The following TET3 variants were observed in gnomAD, a reference collection of about 807,000 sequenced individuals.
TET3 encodes tet methylcytosine dioxygenase 3.
TET3 carries 19 observed loss-of-function variants against 141.4 expected under a neutral mutation model. The ratio of observed to expected loss-of-function variants is 0.13; its 90% CI spans 0.09 to 0.20. The LOEUF is 0.20. Ranked by LOEUF, TET3 falls within the 10% of genes least tolerant of loss-of-function variation. The pLI is 1.00. For missense variants in TET3, 1,874 were observed against 2,356.9 expected, an observed-to-expected ratio of 0.80 and a Z score of 4.24; for synonymous variants, 1,043 against 980.9, an observed-to-expected ratio of 1.06 and a Z score of -1.18.
intron 3 of TET3, among the ~76,000 whole-genome samples, chr2:74,009,864 A>G (rs551344922): frequency 5.3e-5 from 8 of 152,340 alleles, no homozygotes; most frequent in East Asian, 1.9e-4. Context: ...CCTGCTGCAC[A>G]GTTAGGTAGA....
intron 4 of TET3, among the ~76,000 whole-genome samples, chr2:74,073,306 A>G (rs1198920036): frequency 6.6e-6 from 1 of 152,116 alleles, no homozygotes; most frequent in Non-Finnish European, 1.5e-5. Context: ...CTTTGACAAC[A>G]CTTGGTTTTA....
intron 3 of TET3, among the ~76,000 whole-genome samples, chr2:74,021,860 T>C (rs1686063402): frequency 6.6e-6 from 1 of 152,212 alleles, no homozygotes; most frequent in Admixed American, 6.5e-5. Context: ...CATGATGGTT[T>C]GTGAAAAGGC....
intron 3 of TET3, among the ~76,000 whole-genome samples, chr2:74,031,366 C>T (rs1046233914): frequency 6.6e-6 from 1 of 152,108 alleles, no homozygotes; most frequent in South Asian, 2.1e-4. Flanking sequence ...CTCATCACCC[C>T]GACTCTCAGA....
intron 10 of TET3, among the ~76,000 whole-genome samples, chr2:74,097,112 GAA>G (rs750552013): frequency 2.1e-5 from 1 of 47,904 alleles, no homozygotes; most frequent in African/African-American, 5.7e-5. Context: ...AGAAGAAAAA[GAA>G]AAAAAAAAAA....
In TET3 at chr2:74,046,459, A is replaced by T. The variant is rs777631095; in HGVS notation, c.542A>T (p.Asp181Val). 7.5e-6 allele frequency: 12 copies of T among 1,610,728 alleles called. No individual in the cohort carries two copies. In the South Asian group the frequency reaches 1.3e-4, roughly 18 times the overall value. Reference protein sequence around the residue: ...GGPWRVDQKPDWEAAPGPAHT... With the variant: ...GGPWRVDQKPVWEAAPGPAHT... ...CCTTGGCGGGTAGACCAAAAGCCCGACTGGGAGGCTGCCCCAGGCCCAGCT... is the reference window on the plus strand; with the variant it reads ...CCTTGGCGGGTAGACCAAAAGCCCGTCTGGGAGGCTGCCCCAGGCCCAGCT... The change falls in exon 4 of 12, where the codon GAC (aspartate) becomes GTC (valine). Residue 181 changes from aspartate to valine, a missense_variant. Asp to Val is a radical substitution (Grantham distance 152). Transcript: ENST00000409262. The surrounding 1 kb of genome is among the most constrained non-coding windows in gnomAD (Gnocchi z 4.3).
chr2:74,110,795 CCT>C (rs1159383843), downstream of TET3, among the ~76,000 whole-genome samples: 1 of 152,134 alleles, frequency 6.6e-6, no homozygotes, highest in Middle Eastern at 3.2e-3. Context: ...GCTCGGTACC[CCT>C]GACTCTCACT....
chr2:74,128,705 A>AG, the TET3 span, among the ~76,000 whole-genome samples: 1 of 151,952 alleles, frequency 6.6e-6, no homozygotes, highest in African/African-American at 2.4e-5. Context: ...TTAGAAAAAA[A>AG]AAAAGGCTGG....
chr2:74,000,968 G>A (rs575039430), intron 2 of TET3, among the ~76,000 whole-genome samples: 1 of 152,266 alleles, frequency 6.6e-6, no homozygotes, highest in South Asian at 2.1e-4. Flanking sequence ...GCAGCAGACT[G>A]TATGGGGGGT....
rs1374971909 is a variant in TET3, at chr2:74,104,424, G to A, written c.*2248G>A. On this transcript the variant is annotated 3_prime_UTR_variant, in exon 12 of 12. Coordinates refer to ENST00000409262, the MANE Select transcript of TET3 (RefSeq NM_001287491.2). Reference sequence around the variant, plus strand: ...AGCATGCTAATTTTCTAGTTTTGAGGAAAAATTGGGTCCTTTAAATGCTAT... The same window carrying A: ...AGCATGCTAATTTTCTAGTTTTGAGAAAAAATTGGGTCCTTTAAATGCTAT... The A allele has an allele frequency of 6.6e-6, 1 of 152,162 alleles. No individual in the cohort carries two copies. The highest frequency in any genetic ancestry group is 2.4e-5 in the African/African-American group (1 of 41,442). The allele number at this position is 152,162 out of a possible 1,614,324, so 9.4% of individuals were successfully genotyped here. A position where few individuals can be genotyped will look rare whatever the true frequency, so the allele number is the denominator to read the frequency against.
At chr2:74,067,595 A>G (rs1172945697) in intron 4 of TET3, among the ~76,000 whole-genome samples, 4 of 152,238 alleles carry the variant, frequency 2.6e-5, no homozygotes, top group Non-Finnish European at 1.5e-5. Flanking sequence ...AATAATTGAC[A>G]TTGTATACAA....
intron 4 of TET3, among the ~76,000 whole-genome samples, chr2:74,071,035 T>C (rs1266825556): frequency 6.6e-6 from 1 of 152,118 alleles, no homozygotes; most frequent in Non-Finnish European, 1.5e-5. Context: ...CTCACAGCTG[T>C]AGAGGCTGAG....
rs1465987528 is a variant in TET3, at chr2:74,046,829, C to T, written c.912C>T (p.Leu304=). The T allele has an allele frequency of 1.9e-6, 3 of 1,613,208 alleles. No individual in the cohort carries two copies. Among genetic ancestry groups the T allele is most frequent in the African/African-American group, 1.3e-5 (1 of 74,916 alleles). The change falls in exon 4 of 12, where the codon CTC becomes CTT. Residue 304 remains leucine (L), a synonymous_variant. Transcript: ENST00000409262. This position sits in a 1 kb window ranked among gnomAD's most constrained non-coding sequence, Gnocchi z 4.3. ...VMEGGEERPR[L]PGPLPPGEAG... ...AAGGAGGGGAGGAGCGGCCCAGGCT[C>T]CCAGGGCCTCTGCCTCCTGGTGAGG... is the stretch of plus-strand genomic sequence containing the variant.
chr2:74,057,405 T>C (rs1294768178), intron 4 of TET3, among the ~76,000 whole-genome samples: 1 of 152,166 alleles, frequency 6.6e-6, no homozygotes, highest in Non-Finnish European at 1.5e-5. Context: ...CAGCCCCAGT[T>C]CTCCTATCCC....
chr2:74,068,764 CCT>C (rs780785013), intron 4 of TET3, among the ~76,000 whole-genome samples: 65 of 152,318 alleles, frequency 4.3e-4, no homozygotes, highest in African/African-American at 1.4e-3. Flanking sequence ...GGTAGGGACT[CCT>C]CTGAAAGAGG....
chr2:74,069,184 G>A (rs1234388487), intron 4 of TET3, among the ~76,000 whole-genome samples: 1 of 151,474 alleles, frequency 6.6e-6, no homozygotes, highest in East Asian at 1.9e-4. Context: ...ATTTGGAATG[G>A]ATTTGGGGGA....
chr2:74,091,910 GT>G (rs35391407), intron 8 of TET3, among the ~76,000 whole-genome samples: 59,987 of 152,130 alleles, frequency 0.39, 15,010 homozygotes, highest in African/African-American at 0.71. Context: ...TTTCTGTGAT[GT>G]GTGGAAACAT....
chr2:74,067,673 A>G (rs148996978), intron 4 of TET3, among the ~76,000 whole-genome samples: 143 of 152,388 alleles, frequency 9.4e-4, no homozygotes, highest in African/African-American at 3.4e-3. Context: ...AAAAAGTGGC[A>G]TTTAAACTAG....
At chr2:74,011,227 CAAAAAA>C (rs34155044) in intron 3 of TET3, among the ~76,000 whole-genome samples, 25 of 94,390 alleles carry the variant, frequency 2.6e-4, no homozygotes, top group African/African-American at 7.7e-4. Context: ...GACTCCGTTT[CAAAAAA>C]AAAAAAAAAA....
chr2:74,052,896 C>T (rs1245552731), intron 4 of TET3, among the ~76,000 whole-genome samples: 1 of 152,032 alleles, frequency 6.6e-6, no homozygotes, highest in Non-Finnish European at 1.5e-5. Flanking sequence ...CAAAAAAACC[C>T]TCTATTATTC....
Sources: gnomAD v4.1 joint callset for allele counts (sites outside exome capture counted in the v4.1 genomes callset) on GRCh38, gnomAD v4.1.1 for gene constraint, Gnocchi (gnomAD v3.1) non-coding constraint, MANE v1.5 for transcripts, NCBI Gene and HGNC (gene_info 2026-07-23, HGNC 2026-07-21) for gene names.